HNRNPC: variants seen among roughly 807,000 people sequenced by gnomAD.
HNRNPC encodes the protein heterogeneous nuclear ribonucleoproteins C1/C2.
In HNRNPC, 3 loss-of-function variants were observed where a neutral mutation model predicts 33.2. The observed-to-expected ratio is 0.09, with a 90% CI of 0.04 to 0.23. The LOEUF is 0.23. Among genes scored for constraint, HNRNPC ranks in the 10% least tolerant of loss-of-function variants. HNRNPC has a pLI of 1.00. For synonymous variants in HNRNPC, 121 were observed against 126.7 expected (o/e 0.96, Z 0.30); for missense variants, 143 against 366.7 (o/e 0.39, Z 4.98).
chr14:21,224,225 C>A (rs1203812828), intron 5 of HNRNPC, among the ~76,000 whole-genome samples: 1 of 152,132 alleles, frequency 6.6e-6, no homozygotes, highest in Non-Finnish European at 1.5e-5. Context: ...AATCCAAAGC[C>A]TCAGGCTTTG....
intron 5 of HNRNPC, among the ~76,000 whole-genome samples, chr14:21,216,551 T>C (rs922881197): frequency 5.3e-5 from 8 of 151,908 alleles, no homozygotes; most frequent in African/African-American, 1.9e-4. Flanking sequence ...CTACTAAAAA[T>C]AGAAAAAATT....
intron 5 of HNRNPC, among the ~76,000 whole-genome samples, chr14:21,221,771 T>A (rs908884799): frequency 9.2e-5 from 14 of 152,200 alleles, no homozygotes; most frequent in African/African-American, 2.9e-4. Flanking sequence ...ATGGCTGGGC[T>A]GGGCACGGTG....
At chr14:21,250,746 T>A (rs1023880831) in intron 2 of HNRNPC, among the ~76,000 whole-genome samples, 1 of 152,172 alleles carries the variant, frequency 6.6e-6, no homozygotes, top group African/African-American at 2.4e-5. Flanking sequence ...TCCACAAACA[T>A]CAAAAACCAC....
intron 2 of HNRNPC, among the ~76,000 whole-genome samples, chr14:21,243,166 ATTT>A (rs1895558525): frequency 1.3e-5 from 2 of 152,188 alleles, no homozygotes; most frequent in South Asian, 4.1e-4. Context: ...CAAAAGAGAC[ATTT>A]TTATCTAGAT....
intron 2 of HNRNPC, among the ~76,000 whole-genome samples, chr14:21,242,744 G>A (rs1166459281): frequency 6.6e-6 from 1 of 152,124 alleles, no homozygotes; most frequent in African/African-American, 2.4e-5. Context: ...CATGCCTCCT[G>A]ATGTGACACA....
At chr14:21,259,911 T>C (rs1594330164) in intron 2 of HNRNPC, among the ~76,000 whole-genome samples, 1 of 142,058 alleles carries the variant, frequency 7.0e-6, no homozygotes, top group South Asian at 2.2e-4. Flanking sequence ...TAAAAAATAG[T>C]CAGGTGGGCC....
chr14:21,244,708 G>A (rs1431546051), intron 2 of HNRNPC, among the ~76,000 whole-genome samples: 1 of 152,202 alleles, frequency 6.6e-6, no homozygotes, highest in Non-Finnish European at 1.5e-5. Flanking sequence ...TCGTAAGAGT[G>A]TAGTTACCCA....
At chr14:21,247,032 A>G (rs540562163) in intron 2 of HNRNPC, among the ~76,000 whole-genome samples, 9 of 152,230 alleles carry the variant, frequency 5.9e-5, no homozygotes, top group Non-Finnish European at 1.2e-4. Flanking sequence ...GCTCATCAGT[A>G]AAGTTTTTGG....
At chr14:21,246,658 G>A (rs1236215276) in intron 2 of HNRNPC, among the ~76,000 whole-genome samples, 1 of 151,742 alleles carries the variant, frequency 6.6e-6, no homozygotes, top group Non-Finnish European at 1.5e-5. Flanking sequence ...CCTTGGAAAA[G>A]AAAGGAATAA....
chr14:21,219,392 T>A (rs1053661573), intron 5 of HNRNPC, among the ~76,000 whole-genome samples: 1 of 152,356 alleles, frequency 6.6e-6, no homozygotes, highest in South Asian at 2.1e-4. Flanking sequence ...GTGTTTTCTA[T>A]GCTGACTCCA....
intron 2 of HNRNPC, among the ~76,000 whole-genome samples, chr14:21,245,786 T>C (rs1594287098): frequency 6.6e-6 from 1 of 152,198 alleles, no homozygotes; most frequent in Non-Finnish European, 1.5e-5. Flanking sequence ...AGCCTATAGG[T>C]GTTCAGGATC....
rs1448683136 is a variant in HNRNPC at position 21,222,671 on chromosome 14, TC to T, written c.365+7647del. Among the ~76,000 whole-genome samples, 5 of 152,246 alleles carry T rather than the reference TC, an allele frequency of 3.3e-5. No homozygotes were observed. In the East Asian group the frequency reaches 9.6e-4, roughly 29 times the overall value. ...ACTTTGGGAGGCCGAGGCAGGCAGA[TC>T]ATGAGGTCAGGAGATCAAGACCATC... On this transcript the variant is annotated intron_variant, in intron 5 of 8. Coordinates refer to ENST00000553300, the MANE Select transcript of HNRNPC (RefSeq NM_004500.4).
intron 2 of HNRNPC, chr14:21,234,932 A>C (rs370415448): frequency 6.8e-6 from 1 of 146,478 alleles, no homozygotes; most frequent in Non-Finnish European, 1.5e-5. Flanking sequence ...TACTTTTTAT[A>C]TAACCTAAAA....
chr14:21,266,483 G>C (rs962083634), intron 1 of HNRNPC, among the ~76,000 whole-genome samples: 5 of 151,838 alleles, frequency 3.3e-5, no homozygotes, highest in Admixed American at 6.6e-5. Context: ...ATGTTTTCCT[G>C]ATACAATATA....
intron 5 of HNRNPC, among the ~76,000 whole-genome samples, chr14:21,226,925 G>C (rs1264288727): frequency 1.4e-5 from 2 of 144,104 alleles, no homozygotes; most frequent in Admixed American, 1.4e-4. Context: ...TTTTTACTCC[G>C]ATTTACATAT....
At chr14:21,211,659 C>A in intron 7 of HNRNPC, 93 bp from the exon 8 acceptor site, 1 of 1,475,646 alleles carries the variant, frequency 6.8e-7, no homozygotes, top group Non-Finnish European at 9.2e-7. Flanking sequence ...CAGCACAAAT[C>A]TAAATCCTCC....
chr14:21,262,041 TAGAC>T (rs1878335083), intron 2 of HNRNPC, among the ~76,000 whole-genome samples: 1 of 152,218 alleles, frequency 6.6e-6, no homozygotes. Context: ...GGGTCAGCCT[TAGAC>T]AGTTCCTAAT....
chr14:21,229,565 C>T lies in HNRNPC; in HGVS notation c.365+754G>A, dbSNP rs191923441. 2.0e-4 allele frequency among the ~76,000 whole-genome samples: 31 copies of T among 152,214 alleles called. 1 individual carries two copies. Among genetic ancestry groups the T allele is most frequent in the Admixed American group, 1.7e-3 (26 of 15,290 alleles). On this transcript the variant is annotated intron_variant, in intron 5 of 8. Transcript: ENST00000553300. ...CGTACCATATTCTGTGAGGTTATTT[C>T]TCAAACAGAAAGTCTATACTTTCAT...
chr14:21,245,866 T>G (rs1895925869), intron 2 of HNRNPC, among the ~76,000 whole-genome samples: 1 of 152,140 alleles, frequency 6.6e-6, no homozygotes, highest in Non-Finnish European at 1.5e-5. Flanking sequence ...TAGTTTTTTT[T>G]GAGGAGTCTC....
Sources: allele counts gnomAD v4.1 joint callset (sites outside exome capture counted in the v4.1 genomes callset), GRCh38; gene constraint gnomAD v4.1.1; transcripts MANE v1.5; gene names NCBI Gene and HGNC (gene_info 2026-07-23, HGNC 2026-07-21).